Variants in DOK6 observed in about 807,000 individuals in gnomAD.
DOK6 encodes downstream of tyrosine kinase 6.
DOK6 carries 22 observed loss-of-function variants against 44.0 expected under a neutral mutation model. The ratio of observed to expected loss-of-function variants is 0.50; its 90% confidence interval spans 0.36 to 0.71. The LOEUF is 0.71. Among genes scored for constraint, DOK6 ranks in the 30% least tolerant of loss-of-function variants. The probability of loss-of-function intolerance (pLI) is 0.00; values close to 1 mark genes in which losing one functional copy is unlikely to be tolerated. For synonymous variants in DOK6, 166 were observed against 145.5 expected, an observed-to-expected ratio of 1.14 and a Z score of -1.01; for missense variants, 340 against 416.4, an observed-to-expected ratio of 0.82 and a Z score of 1.60.
At chr18:69,832,050 A>T (rs1981915691) in intron 7 of DOK6, among the ~76,000 whole-genome samples, 1 of 152,112 alleles carries the variant, frequency 6.6e-6, no homozygotes, top group East Asian at 1.9e-4. Flanking sequence ...TGCTCTGACT[A>T]GGGCTTCTGG....
chr18:69,578,446 G>A (rs529243855), intron 2 of DOK6, among the ~76,000 whole-genome samples: 1 of 151,384 alleles, frequency 6.6e-6, no homozygotes, highest in African/African-American at 2.5e-5. Flanking sequence ...ACTTTAGAAA[G>A]TTTTTGAGAG....
chr18:69,618,192 G>A (rs1286961638), intron 3 of DOK6, among the ~76,000 whole-genome samples: 2 of 152,154 alleles, frequency 1.3e-5, no homozygotes, highest in African/African-American at 2.4e-5. Context: ...CCATCCTAGA[G>A]AACTGTGACA....
At chr18:69,837,157 A>G (rs1003283408) in intron 7 of DOK6, among the ~76,000 whole-genome samples, 14 of 152,310 alleles carry the variant, frequency 9.2e-5, no homozygotes, top group East Asian at 3.9e-4. Flanking sequence ...TTGTGTTGCT[A>G]TAACAGAATA....
intron 7 of DOK6, among the ~76,000 whole-genome samples, chr18:69,785,564 A>G (rs1980405558): frequency 1.3e-5 from 2 of 152,156 alleles, no homozygotes; most frequent in South Asian, 4.1e-4. Flanking sequence ...CCTAAATTGT[A>G]CCAGTTATTG....
chr18:69,440,894 A>G (rs1460083427), intron 1 of DOK6, among the ~76,000 whole-genome samples: 21 of 152,152 alleles, frequency 1.4e-4, no homozygotes, highest in Admixed American at 1.4e-3. Flanking sequence ...AAGGTTTAAT[A>G]CAAGTACTGA....
In DOK6 at chr18:69,766,754, G is replaced by A. The variant is rs150915827; in HGVS notation, c.856+8881G>A. On this transcript the variant is annotated intron_variant, in intron 7 of 7. Coordinates refer to ENST00000382713, the MANE Select transcript of DOK6 (RefSeq NM_152721.6). ...AATCCACACATAAATGAACCCATGC[G>A]GTCCATACTGTGTTGTTTAAGAGTC... Among the ~76,000 whole-genome samples the A allele has an allele frequency of 3.3e-5, 5 of 152,174 alleles. No homozygotes were observed. In the East Asian group the frequency reaches 5.8e-4, roughly 18 times the overall value.
intron 5 of DOK6, among the ~76,000 whole-genome samples, chr18:69,714,421 G>A (rs7233133): frequency 0.78 from 119,053 of 152,012 alleles, 46,842 homozygotes; most frequent in East Asian, 0.98. Context: ...TCTTTCTGTC[G>A]GTGTTTCTAT....
chr18:69,759,698 A>T (rs1283010514), intron 7 of DOK6, among the ~76,000 whole-genome samples: 1 of 152,100 alleles, frequency 6.6e-6, no homozygotes, highest in Non-Finnish European at 1.5e-5. Flanking sequence ...GACTTCTTGA[A>T]GGAAGATGTT....
chr18:69,761,584 T>C (rs544286942), intron 7 of DOK6, among the ~76,000 whole-genome samples: 1 of 152,232 alleles, frequency 6.6e-6, no homozygotes, highest in South Asian at 2.1e-4. Flanking sequence ...GTGGTCGTGG[T>C]CGGGTGGATC....
intron 3 of DOK6, among the ~76,000 whole-genome samples, chr18:69,602,899 T>G (rs955386707): frequency 6.6e-6 from 1 of 152,236 alleles, no homozygotes; most frequent in Non-Finnish European, 1.5e-5. Context: ...TACACCATCC[T>G]ATTATAGAAT....
Position 69,848,044 on chromosome 18 carries a change from C to G in DOK6, c.*6661C>G, listed in dbSNP as rs1238863847. 1 of 151,570 alleles carries G rather than the reference C, an allele frequency of 6.6e-6. No individual in the cohort carries two copies. Among genetic ancestry groups the G allele is most frequent in the African/African-American group, 2.4e-5 (1 of 41,184 alleles). 9.4% of individuals were successfully genotyped at this position (151,570 alleles called of 1,614,324 possible). On this transcript the variant is annotated 3_prime_UTR_variant, in exon 8 of 8. Coordinates refer to ENST00000382713, the MANE Select transcript of DOK6 (RefSeq NM_152721.6). ...TCACACACACACACACACACACACA[C>G]ACACACACACACACACACATTTTTG... is the stretch of plus-strand genomic sequence containing the variant.
intron 1 of DOK6, among the ~76,000 whole-genome samples, chr18:69,540,026 T>C (rs1599180963): frequency 1.0e-5 from 1 of 100,450 alleles, no homozygotes. Flanking sequence ...AATGCATGTG[T>C]TGGAGGAACT....
intron 1 of DOK6, among the ~76,000 whole-genome samples, chr18:69,433,852 T>C (rs1034855820): frequency 6.6e-6 from 1 of 152,184 alleles, no homozygotes; most frequent in Non-Finnish European, 1.5e-5. Flanking sequence ...TTTCAGATTT[T>C]GAATTTTGTC....
chr18:69,730,278 T>A (rs1978359075), intron 5 of DOK6, among the ~76,000 whole-genome samples: 1 of 152,212 alleles, frequency 6.6e-6, no homozygotes, highest in South Asian at 2.1e-4. Context: ...TTTATTTTCC[T>A]CCCTATCTAC....
At chr18:69,438,228 C>A (rs1219558925) in intron 1 of DOK6, among the ~76,000 whole-genome samples, 1 of 152,164 alleles carries the variant, frequency 6.6e-6, no homozygotes, top group Non-Finnish European at 1.5e-5. Context: ...GAACTTCGCT[C>A]ACAATTGGAA....
At chr18:69,614,535 AT>A (rs1984236837) in intron 3 of DOK6, among the ~76,000 whole-genome samples, 2 of 110,360 alleles carry the variant, frequency 1.8e-5, no homozygotes, top group East Asian at 2.6e-4. Flanking sequence ...TTATCACTTT[AT>A]TTTTTCTTTG....
At chr18:69,541,300 A>G (rs1280412916) in intron 1 of DOK6, among the ~76,000 whole-genome samples, 3 of 150,428 alleles carry the variant, frequency 2.0e-5, no homozygotes, top group Admixed American at 2.0e-4. Flanking sequence ...AGAAATATGT[A>G]CTTGCTTGTG....
intron 1 of DOK6, among the ~76,000 whole-genome samples, chr18:69,421,283 A>G (rs1448132165): frequency 6.6e-6 from 1 of 152,204 alleles, no homozygotes; most frequent in Non-Finnish European, 1.5e-5. Flanking sequence ...CTCTCCACAG[A>G]CTTCTGCTTC....
intron 1 of DOK6, among the ~76,000 whole-genome samples, chr18:69,537,460 G>A (rs1268473038): frequency 6.6e-6 from 1 of 152,160 alleles, no homozygotes; most frequent in Non-Finnish European, 1.5e-5. Context: ...GTTCCTTCAA[G>A]CTGGAATCCT....
Sources: gnomAD v4.1 joint callset for allele counts (sites outside exome capture counted in the v4.1 genomes callset) on GRCh38, gnomAD v4.1.1 for gene constraint, MANE v1.5 for transcripts, NCBI Gene and HGNC (gene_info 2026-07-23, HGNC 2026-07-21) for gene names.